Variants in USP3 observed in about 807,000 individuals in gnomAD.
USP3 encodes the protein ubiquitin specific peptidase 3.
Under a neutral mutation model 72.3 loss-of-function variants are expected in USP3, and 20 were observed. That is an observed-to-expected ratio of 0.28 (90% CI 0.19 to 0.40). The LOEUF is 0.40. USP3 is among the 10% of genes least tolerant of loss of function. The pLI is 1.00. For synonymous variants in USP3, 222 were observed against 225.3 expected, an observed-to-expected ratio of 0.99 and a Z score of 0.13; for missense variants, 479 against 633.9, an observed-to-expected ratio of 0.76 and a Z score of 2.62.
rs965346430 is a variant in USP3, at chr15:63,570,001, G to T, written c.762-432G>T. 6.6e-6 allele frequency among the ~76,000 whole-genome samples: 1 copy of T among 152,134 alleles called. No individual in the cohort carries two copies. The highest frequency in any genetic ancestry group is 2.4e-5 in the African/African-American group (1 of 41,420). On this transcript the variant is annotated intron_variant, in intron 8 of 14. Transcript: ENST00000380324. This position sits in a 1 kb window ranked among gnomAD's most constrained non-coding sequence, Gnocchi z 4.4. ...GTAGTGGTTCACACCTGGTTTTCTA[G>T]TGAGGGTAAGAGGTGAAGCTATGAC... is the stretch of plus-strand genomic sequence containing the variant.
rs369011549 is a variant in USP3, at chr15:63,590,684, C to T, written c.1421C>T (p.Ala474Val). The change falls in exon 15 of 15, where the codon GCA becomes GTA. Residue 474 changes from alanine to valine, a missense_variant. By Grantham distance (64) the Ala-to-Val change is moderately conservative. Coordinates refer to ENST00000380324, the MANE Select transcript of USP3 (RefSeq NM_006537.4). The part of the protein sequence containing the change: ...GSGVGSGHYT[A>V]YATHEGRWFH... ...AGGGTTGGTTCTGGACATTACACAG[C>T]ATACGCAACTCACGAAGGCCGCTGG... The T allele has an allele frequency of 2.5e-6, 4 of 1,612,754 alleles. No homozygotes were observed. Among genetic ancestry groups the T allele is most frequent in the Non-Finnish European group, 3.4e-6 (4 of 1,179,360 alleles).
chr15:63,534,828 G>A (rs1421254889), intron 2 of USP3, among the ~76,000 whole-genome samples: 1 of 152,092 alleles, frequency 6.6e-6, no homozygotes, highest in African/African-American at 2.4e-5. Context: ...GTTTTTCATG[G>A]TTTAGTATTA....
At chr15:63,546,405 A>AC (rs1172263133) in intron 3 of USP3, among the ~76,000 whole-genome samples, 1 of 152,076 alleles carries the variant, frequency 6.6e-6, no homozygotes, top group African/African-American at 2.4e-5. Context: ...TTGAAACACA[A>AC]CCTATGAGTT....
chr15:63,543,986 G>C (rs1296690123), intron 3 of USP3, among the ~76,000 whole-genome samples: 1 of 151,134 alleles, frequency 6.6e-6, no homozygotes, highest in Admixed American at 6.6e-5. Context: ...GAGACAGGAG[G>C]ATCTCTTGAG....
At chr15:63,510,636 C>T (rs954310528) in intron 1 of USP3, among the ~76,000 whole-genome samples, 8 of 152,122 alleles carry the variant, frequency 5.3e-5, no homozygotes, top group African/African-American at 1.7e-4. Context: ...GGACAGATGG[C>T]TTGGAAGGAA....
intron 3 of USP3, among the ~76,000 whole-genome samples, chr15:63,540,882 T>TGA (rs2066235209): frequency 3.3e-5 from 5 of 152,190 alleles, no homozygotes. Context: ...GAGCTAGTGT[T>TGA]TAGTTTACTG....
chr15:63,545,163 G>A (rs529564817), intron 3 of USP3, among the ~76,000 whole-genome samples: 1 of 152,250 alleles, frequency 6.6e-6, no homozygotes, highest in East Asian at 1.9e-4. Context: ...AACAGAATTT[G>A]AAATAATTTT....
At chr15:63,521,450 TTGTC>T (rs1360832249) in intron 1 of USP3, among the ~76,000 whole-genome samples, 1 of 152,240 alleles carries the variant, frequency 6.6e-6, no homozygotes, top group East Asian at 1.9e-4. Flanking sequence ...TTCAAGCTAT[TTGTC>T]TGCCTACTCC....
At position 63,588,735 on chromosome 15, in the gene USP3, A is replaced by G. The variant is rs1324690733; in HGVS notation, c.1249A>G (p.Thr417Ala). Reference protein sequence around the residue: ...LCLHLKRFHWTAYLRNKVDTY... With the variant: ...LCLHLKRFHWAAYLRNKVDTY... ...CTTACATTTGAAAAGATTTCATTGG[A>G]CAGCATATTTAAGAAATAAAGTTGA... The change falls in exon 13 of 15, where the codon ACA (threonine) becomes GCA (alanine). Residue 417 changes from threonine to alanine, a missense_variant. Thr to Ala is a moderately conservative substitution (Grantham distance 58). Transcript: ENST00000380324. The surrounding 1 kb of genome is among the most constrained non-coding windows in gnomAD (Gnocchi z 4.6). The G allele has an allele frequency of 6.2e-7, 1 of 1,614,118 alleles. No individual in the cohort carries two copies. Among genetic ancestry groups the G allele is most frequent in the Non-Finnish European group, 8.5e-7 (1 of 1,179,960 alleles).
At chr15:63,520,265 A>G (rs980187384) in intron 1 of USP3, among the ~76,000 whole-genome samples, 2 of 152,184 alleles carry the variant, frequency 1.3e-5, no homozygotes, top group African/African-American at 4.8e-5. Context: ...CCATATTTGT[A>G]ACACCTTTCT....
chr15:63,516,007 T>TC (rs1300800137), intron 1 of USP3, among the ~76,000 whole-genome samples: 1 of 152,236 alleles, frequency 6.6e-6, no homozygotes, highest in Non-Finnish European at 1.5e-5. Context: ...AATGAAGACT[T>TC]CAGTGTTTGC....
chr15:63,581,550 ATTTTTTTT>A (rs56376454), intron 11 of USP3, among the ~76,000 whole-genome samples: 8 of 107,478 alleles, frequency 7.4e-5, no homozygotes, highest in Non-Finnish European at 1.3e-4. Context: ...CACCCGGCTA[ATTTTTTTT>A]TTTTTTTTTT....
intron 11 of USP3, among the ~76,000 whole-genome samples, chr15:63,581,573 G>A (rs1035810425): frequency 1.1e-3 from 75 of 65,490 alleles, no homozygotes; most frequent in South Asian, 9.1e-3. Context: ...TTTTTTTTTT[G>A]GATTTTTGGT....
intron 1 of USP3, among the ~76,000 whole-genome samples, chr15:63,525,784 T>A (rs947471061): frequency 5.9e-5 from 9 of 152,236 alleles, no homozygotes; most frequent in Non-Finnish European, 1.3e-4. Context: ...GAATATATTT[T>A]TACTTATATG....
At chr15:63,545,730 G>C (rs903969044) in intron 3 of USP3, among the ~76,000 whole-genome samples, 1 of 152,020 alleles carries the variant, frequency 6.6e-6, no homozygotes, top group Admixed American at 6.6e-5. Flanking sequence ...AGCACATTGG[G>C]AGGCTAAGGC....
Position 63,569,381 on chromosome 15 carries a change from G to A in USP3, c.762-1052G>A, listed in dbSNP as rs555071372. Reference sequence around the variant, plus strand: ...ATGCCAGAGTAACTTCTGACTTTAAGTTCCAAAGTTCCATTGGTTAGGGAG... The same window carrying A: ...ATGCCAGAGTAACTTCTGACTTTAAATTCCAAAGTTCCATTGGTTAGGGAG... On this transcript the variant is annotated intron_variant, in intron 8 of 14. Coordinates refer to ENST00000380324, the MANE Select transcript of USP3 (RefSeq NM_006537.4). 1.4e-4 allele frequency among the ~76,000 whole-genome samples: 21 copies of A among 152,276 alleles called. No individual in the cohort carries two copies. The East Asian group carries it at 4.0e-3, about 29-fold the overall frequency.
At chr15:63,585,208 A>G (rs894570050) in intron 11 of USP3, among the ~76,000 whole-genome samples, 1 of 152,140 alleles carries the variant, frequency 6.6e-6, no homozygotes, top group African/African-American at 2.4e-5. Context: ...TTGGCTATTC[A>G]GGATTCCTTG....
At chr15:63,571,503 A>G (rs972097376) in intron 9 of USP3, among the ~76,000 whole-genome samples, 2 of 152,248 alleles carry the variant, frequency 1.3e-5, no homozygotes, top group Admixed American at 6.5e-5. Context: ...ATTAGAATCC[A>G]ATATAGAAAG....
At position 63,588,492 on chromosome 15, in the gene USP3, A is replaced by G. The variant is rs1566921270; in HGVS notation, c.1215+69A>G. On this transcript the variant is annotated intron_variant, in intron 12 of 14. Coordinates refer to ENST00000380324, the MANE Select transcript of USP3 (RefSeq NM_006537.4). This position sits in a 1 kb window ranked among gnomAD's most constrained non-coding sequence, Gnocchi z 4.6. ...GTGCTTGACTGCTAAGACCATGTCT[A>G]TAACTTTACACTATGTGAACTGTTC... is the stretch of plus-strand genomic sequence containing the variant. The G allele has an allele frequency of 1.4e-5, 17 of 1,176,996 alleles. No homozygotes were observed. The highest frequency in any genetic ancestry group is 7.0e-5 in the East Asian group (3 of 43,120). 72.9% of individuals were successfully genotyped at this position (1,176,996 alleles called of 1,614,324 possible).
Sources: allele counts gnomAD v4.1 joint callset (sites outside exome capture counted in the v4.1 genomes callset), GRCh38; gene constraint gnomAD v4.1.1; non-coding constraint Gnocchi (gnomAD v3.1); transcripts MANE v1.5; gene names NCBI Gene and HGNC (gene_info 2026-07-23, HGNC 2026-07-21).